SLC41A1: variants seen among roughly 807,000 people sequenced by gnomAD.
SLC41A1 encodes the protein solute carrier family 41 member 1.
SLC41A1 carries 20 observed loss-of-function variants against 47.3 expected under a neutral mutation model. The observed-to-expected ratio is 0.42, with a 90% CI of 0.30 to 0.61. SLC41A1 has a LOEUF of 0.61. Ranked by LOEUF, SLC41A1 falls within the 20% of genes least tolerant of loss-of-function variation. The pLI is 0.17. For missense variants in SLC41A1, 504 were observed against 674.1 expected (o/e 0.75, Z 2.79); for synonymous variants, 282 against 272.7 (o/e 1.03, Z -0.34).
chr1:205,795,602 T>A, intron 8 of SLC41A1, 124 bp from the exon 9 acceptor site: 1 of 1,230,466 alleles, frequency 8.1e-7, no homozygotes, highest in Non-Finnish European at 1.2e-6. Flanking sequence ...ATTTAGGGTC[T>A]ATGTGGGCAT....
Position 205,791,675 on chromosome 1 carries a change from A to G in SLC41A1, c.1400T>C (p.Met467Thr). The stretch of plus-strand genomic sequence containing the variant: ...GTCCGGGTCCAGGCCCCGGCCCCAC[A>G]TCCAGTGCACCATCCAGTCTGCGAT... ...LYIADWMVHWMWGRGLDPDNF... is the reference protein window; with the variant it reads ...LYIADWMVHWTWGRGLDPDNF... The change falls in exon 11 of 11, where the codon ATG becomes ACG. Residue 467 changes from methionine (M) to threonine (T), a missense_variant. By Grantham distance (81) the Met-to-Thr change is moderately conservative. Transcript: ENST00000367137. This position sits in a 1 kb window ranked among gnomAD's most constrained non-coding sequence, Gnocchi z 4.0. 3.1e-6 allele frequency: 5 copies of G among 1,614,122 alleles called. No individual in the cohort carries two copies. Among genetic ancestry groups the G allele is most frequent in the Non-Finnish European group, 4.2e-6 (5 of 1,180,032 alleles).
At position 205,798,021 on chromosome 1, in the gene SLC41A1, C is replaced by A. The variant is rs749025118; in HGVS notation, c.875G>T (p.Cys292Phe). Residue 292 changes from cysteine to phenylalanine, a missense_variant, in exon 7 of 11, where the codon TGT becomes TTT. Physicochemically the swap from Cys to Phe is radical, Grantham distance 205. Transcript: ENST00000367137. ...NHWRYIYPLVCAFFVALLPVW... is the reference protein window; with the variant it reads ...NHWRYIYPLVFAFFVALLPVW... ...AGGCAGCAGGGCCACAAAGAAAGCA[C>A]ACACCAGTGGGTAGATGTATCGCCA... The A allele has an allele frequency of 6.2e-7, 1 of 1,614,136 alleles. No individual in the cohort carries two copies. The highest frequency in any genetic ancestry group is 1.7e-5 in the Admixed American group (1 of 60,026).
At chr1:205,799,464 C>T (rs2102504596) in intron 4 of SLC41A1, among the ~76,000 whole-genome samples, 1 of 152,282 alleles carries the variant, frequency 6.6e-6, no homozygotes, top group South Asian at 2.1e-4. Context: ...GATGGGACAG[C>T]AGTGGCACAG....
intron 6 of SLC41A1, 93 bp downstream of exon 6, chr1:205,798,573 TAAG>T: frequency 6.4e-7 from 1 of 1,564,576 alleles, no homozygotes; most frequent in Non-Finnish European, 8.8e-7. Flanking sequence ...CCAAATAGTT[TAAG>T]AACACAGAAG....
Position 205,791,565 on chromosome 1 carries a change from T to G in SLC41A1, c.1510A>C (p.Ile504Leu), listed in dbSNP as rs777728706. ...CCGACATCCGTGTCTCGGTCCCCTA[T>G]GAGCCAGAGAACATGGAAGCTGAGT... ...LALSFHVLWLIGDRDTDVGD is the reference protein window; with the variant it reads ...LALSFHVLWLLGDRDTDVGD The change falls in exon 11 of 11, where the codon ATA (isoleucine) becomes CTA (leucine). Residue 504 changes from isoleucine to leucine, a missense_variant. Transcript: ENST00000367137. The surrounding 1 kb of genome is among the most constrained non-coding windows in gnomAD (Gnocchi z 4.0). 3.7e-6 allele frequency: 6 copies of G among 1,614,082 alleles called. No individual in the cohort carries two copies. The highest frequency in any genetic ancestry group is 5.1e-6 in the Non-Finnish European group (6 of 1,180,006).
At chr1:205,804,233 A>G (rs999855735) in intron 2 of SLC41A1, among the ~76,000 whole-genome samples, 2 of 152,180 alleles carry the variant, frequency 1.3e-5, no homozygotes, top group Non-Finnish European at 1.5e-5. Context: ...CCTATAAGGC[A>G]AGAACCTCTC....
At chr1:205,797,305 CTGT>C (rs1384211265) in intron 7 of SLC41A1, among the ~76,000 whole-genome samples, 6 of 152,226 alleles carry the variant, frequency 3.9e-5, no homozygotes, top group African/African-American at 1.4e-4. Flanking sequence ...CTGAGGACCT[CTGT>C]TGTTCTGCCC....
At chr1:205,808,318 GGT>G (rs1472268168) in intron 2 of SLC41A1, among the ~76,000 whole-genome samples, 1 of 152,162 alleles carries the variant, frequency 6.6e-6, no homozygotes, top group Non-Finnish European at 1.5e-5. Flanking sequence ...AGGGGTTAGT[GGT>G]GTGGGCTCTA....
rs1374341347 is a variant in SLC41A1 at position 205,813,185 on chromosome 1, A to T, written c.-1024T>A. On this transcript the variant is annotated 5_prime_UTR_variant, in exon 1 of 11. Transcript: ENST00000367137. ...TGGTTGGCTGCCGGTGGCAAACGTG[A>T]TCTGGGGCAGACTGGGTGGCACCCC... The T allele has an allele frequency of 2.0e-6, 2 of 985,202 alleles. No individual in the cohort carries two copies. The highest frequency in any genetic ancestry group is 3.5e-5 in the African/African-American group (2 of 57,140). 61.0% of individuals were successfully genotyped at this position (985,202 alleles called of 1,614,324 possible).
intron 7 of SLC41A1, among the ~76,000 whole-genome samples, chr1:205,797,674 T>C (rs1655780476): frequency 6.6e-6 from 1 of 152,220 alleles, no homozygotes; most frequent in South Asian, 2.1e-4. Flanking sequence ...ATCTTAGGTA[T>C]GTCGCTGAAT....
intron 4 of SLC41A1, 64 bp from the exon 5 acceptor site, chr1:205,799,165 A>G: frequency 6.2e-7 from 1 of 1,606,174 alleles, no homozygotes; most frequent in Non-Finnish European, 8.5e-7. Context: ...CTGAGGTCAT[A>G]AGCATCTGGG....
At chr1:205,801,234 AAAC>A in intron 2 of SLC41A1, 174 bp from the exon 3 acceptor site, 1 of 609,384 alleles carries the variant, frequency 1.6e-6, no homozygotes, top group African/African-American at 1.8e-5. Flanking sequence ...ATGATTCTTC[AAAC>A]AACACAACCC....
At chr1:205,800,737 G>A (rs1655859696) in intron 3 of SLC41A1, among the ~76,000 whole-genome samples, 1 of 152,164 alleles carries the variant, frequency 6.6e-6, no homozygotes, top group African/African-American at 2.4e-5. Flanking sequence ...CAGAAACCAA[G>A]CCTGGGAACC....
At position 205,812,915 on chromosome 1, in the gene SLC41A1, C is replaced by T. The variant is rs1038619448; in HGVS notation, c.-754G>A. 9 of 985,520 alleles carry T rather than the reference C, an allele frequency of 9.1e-6. No homozygotes were observed. The highest frequency in any genetic ancestry group is 6.1e-5 in the Admixed American group (1 of 16,278). The allele number at this position is 985,520 out of a possible 1,614,324, so 61.0% of individuals were successfully genotyped here. ...TTCTCATCACTCCTCCTCGACAGTC[C>T]TCCTTGGCCCCCGGCGTGCCCCCCC... On this transcript the variant is annotated 5_prime_UTR_variant, in exon 1 of 11. Coordinates refer to ENST00000367137, the MANE Select transcript of SLC41A1 (RefSeq NM_173854.6).
intron 6 of SLC41A1, 87 bp from the exon 7 acceptor site, chr1:205,798,138 G>A: frequency 1.3e-6 from 2 of 1,571,116 alleles, no homozygotes; most frequent in South Asian, 2.3e-5. Flanking sequence ...TGTCCCAACA[G>A]ATCAATAGCA....
intron 2 of SLC41A1, among the ~76,000 whole-genome samples, chr1:205,809,863 C>T (rs995404276): frequency 1.3e-5 from 2 of 152,162 alleles, no homozygotes; most frequent in Non-Finnish European, 2.9e-5. Context: ...CTGCCCTGAT[C>T]ACCTCCCCAG....
At chr1:205,795,262 G>A in intron 9 of SLC41A1, 82 bp downstream of exon 9, 1 of 1,604,000 alleles carries the variant, frequency 6.2e-7, no homozygotes, top group Non-Finnish European at 8.5e-7. Flanking sequence ...GTGGATCTGG[G>A]GCCCCAGCTG....
In SLC41A1 at chr1:205,790,435, G is replaced by A. The variant is rs889931080; in HGVS notation, c.*1098C>T. 3.3e-5 allele frequency: 5 copies of A among 152,182 alleles called. No individual in the cohort carries two copies. Among genetic ancestry groups the A allele is most frequent in the Admixed American group, 2.6e-4 (4 of 15,280 alleles). The allele number at this position is 152,182 out of a possible 1,614,324, so 9.4% of individuals were successfully genotyped here. ...GAGGCTGCATATTTGCTAAATGAAC[G>A]AATAAATGATTGGTGAATGTTTGTG... is the stretch of plus-strand genomic sequence containing the variant. On this transcript the variant is annotated 3_prime_UTR_variant, in exon 11 of 11. Coordinates refer to ENST00000367137, the MANE Select transcript of SLC41A1 (RefSeq NM_173854.6).
intron 3 of SLC41A1, 25 bp downstream of exon 3, chr1:205,800,928 C>T: frequency 1.3e-6 from 2 of 1,599,398 alleles, no homozygotes; most frequent in South Asian, 1.1e-5. Flanking sequence ...CTCTGTGCCC[C>T]ACTCCTCCCA....
Sources: allele counts gnomAD v4.1 joint callset (sites outside exome capture counted in the v4.1 genomes callset), GRCh38; gene constraint gnomAD v4.1.1; non-coding constraint Gnocchi (gnomAD v3.1); transcripts MANE v1.5; gene names NCBI Gene and HGNC (gene_info 2026-07-23, HGNC 2026-07-21).